Variants in ADAMTS17 observed in about 807,000 individuals in gnomAD.
The protein encoded by ADAMTS17 is A disintegrin and metalloproteinase with thrombospondin motifs 17.
In ADAMTS17, 113 loss-of-function variants were observed where a neutral mutation model predicts 141.5. That is an observed-to-expected ratio of 0.80 (90% CI 0.69 to 0.93). The LOEUF is 0.93. Ranked by LOEUF, ADAMTS17 falls within the 40% of genes least tolerant of loss-of-function variation. The pLI is 0.00. For synonymous variants in ADAMTS17, 768 were observed against 630.6 expected (o/e 1.22, Z -3.27); for missense variants, 1,659 against 1,517.9 (o/e 1.09, Z -1.54).
chr15:100,098,398 C>A (rs1417207065), intron 14 of ADAMTS17, among the ~76,000 whole-genome samples: 1 of 151,974 alleles, frequency 6.6e-6, no homozygotes, highest in Non-Finnish European at 1.5e-5. Flanking sequence ...CCTGTAATCC[C>A]AGCACTTTGG....
chr15:100,152,612 C>T lies in ADAMTS17; in HGVS notation c.1473G>A (p.Glu491=). The T allele has an allele frequency of 6.2e-7, 1 of 1,613,774 alleles. No individual in the cohort carries two copies. The highest frequency in any genetic ancestry group is 8.5e-7 in the Non-Finnish European group (1 of 1,180,022). The change falls in exon 10 of 22, where the codon GAG becomes GAA. Residue 491 remains glutamate, a splice_region_variant and synonymous_variant. Transcript: ENST00000268070. ...AGCCAGCCCTCCCACGGCTGCTTAC[C>T]TCCATGTTTCTGCAGAAGGTGGCAT... ...GMNATFCRNM[E]HLMCAGLWCL... is the part of the protein sequence containing the mutation.
At position 100,048,722 on chromosome 15, in the gene ADAMTS17, G is replaced by A. The variant is rs535509249; in HGVS notation, c.2591+135C>T. ...TGGAAATTTGGTAATTTGAGCAAGC[G>A]GAAATCTCTCATCAACAATAACGGA... On this transcript the variant is annotated intron_variant, in intron 18 of 21. Transcript: ENST00000268070. 1.4e-5 allele frequency: 19 copies of A among 1,381,754 alleles called. 1 individual carries two copies. Among genetic ancestry groups the A allele is most frequent in the South Asian group, 9.8e-5 (8 of 81,746 alleles). 85.6% of individuals were successfully genotyped at this position (1,381,754 alleles called of 1,614,324 possible).
intron 7 of ADAMTS17, among the ~76,000 whole-genome samples, chr15:100,235,338 T>G (rs905753258): frequency 3.3e-5 from 5 of 152,080 alleles, no homozygotes; most frequent in Admixed American, 6.5e-5. Context: ...GCTGGGCACC[T>G]GGCTTTCCTG....
chr15:100,302,804 T>A (rs1195317216), intron 3 of ADAMTS17, among the ~76,000 whole-genome samples: 1 of 152,140 alleles, frequency 6.6e-6, no homozygotes, highest in African/African-American at 2.4e-5. Flanking sequence ...GACATTCACA[T>A]TTGAATCAGT....
At chr15:100,022,835 G>A (rs975763759) in intron 18 of ADAMTS17, among the ~76,000 whole-genome samples, 2 of 152,092 alleles carry the variant, frequency 1.3e-5, no homozygotes, top group African/African-American at 2.4e-5. Context: ...AACCACGTCC[G>A]TAAGCCTTCC....
At chr15:100,340,873 C>A in intron 2 of ADAMTS17, 166 bp downstream of exon 2, 1 of 1,118,258 alleles carries the variant, frequency 8.9e-7, no homozygotes, top group East Asian at 2.9e-5. Context: ...TAGAGGGTAC[C>A]GAAGGCCGGG....
intron 20 of ADAMTS17, among the ~76,000 whole-genome samples, chr15:99,977,614 T>C: frequency 6.6e-6 from 1 of 150,978 alleles, no homozygotes. Context: ...CAGGGCTTCA[T>C]CATATTGGCC....
At chr15:100,082,818 C>T (rs2034842995) in intron 15 of ADAMTS17, among the ~76,000 whole-genome samples, 1 of 141,072 alleles carries the variant, frequency 7.1e-6, no homozygotes, top group Non-Finnish European at 1.5e-5. Flanking sequence ...GTGTTGCAGA[C>T]TCTCCTTCAA....
chr15:100,022,703 G>C (rs1156535050), intron 18 of ADAMTS17, among the ~76,000 whole-genome samples: 2 of 152,194 alleles, frequency 1.3e-5, no homozygotes, highest in East Asian at 3.8e-4. Context: ...GATTGCTTTG[G>C]ATAATTCATG....
At chr15:100,003,161 AGAG>A (rs1348859250) in intron 18 of ADAMTS17, among the ~76,000 whole-genome samples, 3 of 152,092 alleles carry the variant, frequency 2.0e-5, no homozygotes, top group Non-Finnish European at 4.4e-5. Flanking sequence ...TCTCCCCATA[AGAG>A]AGGAGCACAA....
At chr15:99,976,258 G>A in intron 20 of ADAMTS17, 36 bp from the exon 21 acceptor site, 1 of 1,537,470 alleles carries the variant, frequency 6.5e-7, no homozygotes, top group South Asian at 1.2e-5. Flanking sequence ...GGGCTGACAT[G>A]AGGTCAAGGG....
intron 8 of ADAMTS17, among the ~76,000 whole-genome samples, chr15:100,197,025 C>A (rs907383481): frequency 6.6e-6 from 1 of 152,238 alleles, no homozygotes; most frequent in East Asian, 1.9e-4. Flanking sequence ...CCAAGAAATT[C>A]TACACAGTCT....
At chr15:100,234,767 G>A (rs1193865725) in intron 7 of ADAMTS17, among the ~76,000 whole-genome samples, 4 of 152,162 alleles carry the variant, frequency 2.6e-5, no homozygotes, top group Non-Finnish European at 5.9e-5. Context: ...TGCCTCTCCG[G>A]GAAACCTTCC....
At chr15:100,237,780 C>T (rs892839672) in intron 7 of ADAMTS17, among the ~76,000 whole-genome samples, 6 of 152,162 alleles carry the variant, frequency 3.9e-5, no homozygotes, top group Non-Finnish European at 7.4e-5. Context: ...CATGCCACCA[C>T]GCCTGGCCAA....
At chr15:99,983,986 CAG>C (rs751934330) in intron 20 of ADAMTS17, among the ~76,000 whole-genome samples, 1 of 152,134 alleles carries the variant, frequency 6.6e-6, no homozygotes, top group African/African-American at 2.4e-5. Flanking sequence ...CCTGAAACAG[CAG>C]AGTGTTAGAC....
intron 8 of ADAMTS17, among the ~76,000 whole-genome samples, chr15:100,182,164 G>A (rs2040548079): frequency 6.6e-6 from 1 of 152,230 alleles, no homozygotes; most frequent in African/African-American, 2.4e-5. Context: ...TGGACTCACA[G>A]TTGCACATGG....
chr15:100,277,903 C>T (rs575425889), intron 4 of ADAMTS17, among the ~76,000 whole-genome samples: 7 of 152,182 alleles, frequency 4.6e-5, no homozygotes, highest in African/African-American at 1.2e-4. Flanking sequence ...TGCTGACAGA[C>T]GAATGGAAAA....
chr15:100,155,637 G>A (rs930573318), intron 8 of ADAMTS17, among the ~76,000 whole-genome samples: 1 of 152,300 alleles, frequency 6.6e-6, no homozygotes, highest in African/African-American at 2.4e-5. Context: ...AGCTTCTGAT[G>A]GCTAGACTTG....
At chr15:100,294,421 GAATTGGAACTGAT>G (rs1329333129) in intron 3 of ADAMTS17, among the ~76,000 whole-genome samples, 1 of 152,078 alleles carries the variant, frequency 6.6e-6, no homozygotes, top group Non-Finnish European at 1.5e-5. Flanking sequence ...CAAAAAAAAT[GAATTGGAACTGAT>G]ACAAAAATAA....
Sources: gnomAD v4.1 joint callset for allele counts (sites outside exome capture counted in the v4.1 genomes callset) on GRCh38, gnomAD v4.1.1 for gene constraint, MANE v1.5 for transcripts, NCBI Gene and HGNC (gene_info 2026-07-23, HGNC 2026-07-21) for gene names.